SORL1: variants seen among roughly 807,000 people sequenced by gnomAD.
SORL1 encodes the protein sortilin-related receptor.
SORL1 carries 127 observed loss-of-function variants against 273.7 expected under a neutral mutation model. The ratio of observed to expected loss-of-function variants is 0.46; its 90% CI spans 0.40 to 0.54. The LOEUF is 0.54. Among genes scored for constraint, SORL1 ranks in the 20% least tolerant of loss-of-function variants. The pLI, the probability that SORL1 is intolerant of heterozygous loss-of-function variation, is 0.00. For synonymous variants in SORL1, 1,031 were observed against 1,067.4 expected (o/e 0.97, Z 0.66); for missense variants, 2,494 against 2,846.1 (o/e 0.88, Z 2.81).
intron 14 of SORL1, 62 bp downstream of exon 14, chr11:121,545,491 G>A (rs1004542554): frequency 4.1e-6 from 6 of 1,479,450 alleles, no homozygotes; most frequent in African/African-American, 2.8e-5. Context: ...AGTGTTGGGG[G>A]AAGAGATTAG....
At chr11:121,490,306 G>A (rs2298525) in intron 5 of SORL1, among the ~76,000 whole-genome samples, 196 bp downstream of exon 5, 16,359 of 152,120 alleles carry the variant, frequency 0.11, 900 homozygotes, top group East Asian at 0.14. Context: ...GAGAAAGTAA[G>A]GTATTTATGA....
intron 30 of SORL1, 60 bp from the exon 31 acceptor site, chr11:121,590,941 T>C (rs765228855): frequency 1.3e-6 from 2 of 1,595,370 alleles, no homozygotes; most frequent in African/African-American, 2.7e-5. Flanking sequence ...TGGGACATAT[T>C]TGGTCTAAGA....
intron 6 of SORL1, among the ~76,000 whole-genome samples, chr11:121,508,712 G>A (rs1802461391): frequency 6.6e-6 from 1 of 152,120 alleles, no homozygotes; most frequent in African/African-American, 2.4e-5. Context: ...ATGGGATTAG[G>A]GCAAATGAAA....
At chr11:121,541,401 G>A (rs987477154) in intron 12 of SORL1, among the ~76,000 whole-genome samples, 1 of 152,134 alleles carries the variant, frequency 6.6e-6, no homozygotes, top group South Asian at 2.1e-4. Flanking sequence ...TAGAGATGTG[G>A]TTCTCATTAT....
At chr11:121,618,927 G>C (rs751112952) in intron 42 of SORL1, 34 bp downstream of exon 42, 2 of 1,612,916 alleles carry the variant, frequency 1.2e-6, no homozygotes, top group South Asian at 2.2e-5. Flanking sequence ...TTTTTTAAGG[G>C]ATGTCTTAAG....
At chr11:121,593,961 T>C (rs973264070) in intron 31 of SORL1, among the ~76,000 whole-genome samples, 1 of 152,202 alleles carries the variant, frequency 6.6e-6, no homozygotes, top group African/African-American at 2.4e-5. Flanking sequence ...GTCTTGCTTG[T>C]CTTAAAGTGT....
intron 12 of SORL1, among the ~76,000 whole-genome samples, chr11:121,543,079 T>C (rs2134885874): frequency 6.7e-6 from 1 of 150,100 alleles, no homozygotes; most frequent in East Asian, 2.0e-4. Context: ...TAGTCCCAGC[T>C]ACTCGGGAGG....
chr11:121,527,025 A>G (rs916877999), intron 11 of SORL1, among the ~76,000 whole-genome samples: 3 of 151,362 alleles, frequency 2.0e-5, no homozygotes, highest in Non-Finnish European at 4.4e-5. Context: ...TCTTCTTATC[A>G]CAATGGCTAG....
At chr11:121,598,422 G>C (rs543086255) in intron 32 of SORL1, among the ~76,000 whole-genome samples, 10 of 152,198 alleles carry the variant, frequency 6.6e-5, no homozygotes, top group Non-Finnish European at 1.2e-4. Context: ...GGTTACTGAG[G>C]ATGAGGAGTC....
intron 1 of SORL1, among the ~76,000 whole-genome samples, chr11:121,460,342 A>G (rs1287417235): frequency 6.8e-6 from 1 of 147,928 alleles, no homozygotes. Flanking sequence ...TACTGAGATG[A>G]TTTCCTTCTG....
chr11:121,557,332 G>A lies in SORL1; in HGVS notation c.2590G>A (p.Asp864Asn), dbSNP rs141027795. The A allele has an allele frequency of 1.1e-5, 17 of 1,613,900 alleles. No individual in the cohort carries two copies. Among genetic ancestry groups the A allele is most frequent in the East Asian group, 4.5e-5 (2 of 44,898 alleles). ...TTGTCAGGTAGCTAATCCAGATGGC[G>A]ACTTCCGACTCACAATCGTCAATTC... ...KKIEVANPDG[D>N]FRLTIVNSSV... Residue 864 changes from aspartate to asparagine, a missense_variant, in exon 19 of 48, where the codon GAC (aspartate) becomes AAC (asparagine). Physicochemically the swap from Asp to Asn is conservative, Grantham distance 23. Coordinates refer to ENST00000260197, the MANE Select transcript of SORL1 (RefSeq NM_003105.6).
At chr11:121,537,160 A>G (rs1297372527) in intron 12 of SORL1, among the ~76,000 whole-genome samples, 1 of 152,184 alleles carries the variant, frequency 6.6e-6, no homozygotes, top group Non-Finnish European at 1.5e-5. Context: ...GGTGGGAAGT[A>G]GTGAGAAACG....
At chr11:121,478,357 C>T in intron 3 of SORL1, 114 bp downstream of exon 3, 1 of 1,235,248 alleles carries the variant, frequency 8.1e-7, no homozygotes, top group Non-Finnish European at 1.1e-6. Context: ...TGTAGCATGA[C>T]TGGTGGCTAG....
intron 3 of SORL1, among the ~76,000 whole-genome samples, chr11:121,483,098 AT>A (rs1162947447): frequency 1.3e-5 from 2 of 152,206 alleles, no homozygotes; most frequent in Non-Finnish European, 2.9e-5. Context: ...TTACTTAATA[AT>A]TTTTAAAAAA....
At chr11:121,566,229 A>C (rs142605922) in intron 21 of SORL1, among the ~76,000 whole-genome samples, 1 of 152,026 alleles carries the variant, frequency 6.6e-6, no homozygotes, top group Non-Finnish European at 1.5e-5. Flanking sequence ...TTTCCCTCTC[A>C]TTAGGCCTCT....
intron 14 of SORL1, among the ~76,000 whole-genome samples, chr11:121,547,379 A>C (rs1339913865): frequency 7.9e-6 from 1 of 126,218 alleles, no homozygotes; most frequent in East Asian, 2.5e-4. Flanking sequence ...AATAACATTA[A>C]AATTTTCTCT....
intron 1 of SORL1, among the ~76,000 whole-genome samples, chr11:121,456,345 A>C (rs1231932932): frequency 6.6e-6 from 1 of 152,194 alleles, no homozygotes; most frequent in Non-Finnish European, 1.5e-5. Flanking sequence ...GGCATGGATC[A>C]AGTTCTCTTG....
At chr11:121,453,691 C>T (rs906708525) in intron 1 of SORL1, among the ~76,000 whole-genome samples, 1 of 152,208 alleles carries the variant, frequency 6.6e-6, no homozygotes, top group African/African-American at 2.4e-5. Flanking sequence ...GTTAAATGTT[C>T]AACCCTTGGA....
At chr11:121,538,242 T>C (rs1281688219) in intron 12 of SORL1, among the ~76,000 whole-genome samples, 1 of 151,660 alleles carries the variant, frequency 6.6e-6, no homozygotes, top group Non-Finnish European at 1.5e-5. Flanking sequence ...AGATATTGAC[T>C]ACACCATTTA....
Sources: gnomAD v4.1 joint callset for allele counts (sites outside exome capture counted in the v4.1 genomes callset) on GRCh38, gnomAD v4.1.1 for gene constraint, MANE v1.5 for transcripts, NCBI Gene and HGNC (gene_info 2026-07-23, HGNC 2026-07-21) for gene names.